Variants in PC observed in about 807,000 individuals in gnomAD.
PC encodes the protein pyruvate carboxylase, mitochondrial.
Under a neutral mutation model 107.8 loss-of-function variants are expected in PC, and 46 were observed. The observed-to-expected ratio is 0.43, with a 90% confidence interval of 0.34 to 0.55. PC has a LOEUF of 0.55. PC is among the 20% of genes least tolerant of loss of function. The pLI is 0.04. For synonymous variants in PC, 662 were observed against 684.7 expected (o/e 0.97, Z 0.52); for missense variants, 1,241 against 1,643.1 (o/e 0.76, Z 4.23).
intron 2 of PC, among the ~76,000 whole-genome samples, chr11:66,952,994 GAAT>G (rs1219493287): frequency 2.0e-5 from 3 of 152,164 alleles, no homozygotes; most frequent in Non-Finnish European, 4.4e-5. Context: ...TGTAAAATGG[GAAT>G]AATAACAATG....
Position 66,849,876 on chromosome 11 carries a change from A to G in PC, c.2899-17T>C, listed in dbSNP as rs780368371. 6 of 1,613,670 alleles carry G rather than the reference A, an allele frequency of 3.7e-6. No homozygotes were observed. In the Admixed American group the frequency reaches 1.0e-4, roughly 27 times the overall value. Reference sequence around the variant, plus strand: ...CTTCAGTACCTGGGGAGCAAAGCAGAGGATCAGTCCCAAGTCCTGCATCCA... The same window carrying G: ...CTTCAGTACCTGGGGAGCAAAGCAGGGGATCAGTCCCAAGTCCTGCATCCA... On this transcript the variant is annotated splice_polypyrimidine_tract_variant and intron_variant, in intron 20 of 22. Coordinates refer to ENST00000393960, the MANE Select transcript of PC (RefSeq NM_001040716.2).
rs968762469 is a variant in PC at position 66,857,706 on chromosome 11, T to C, written c.1369-4323A>G. 1.3e-6 allele frequency: 2 copies of C among 1,557,632 alleles called. No homozygotes were observed. Among genetic ancestry groups the C allele is most frequent in the Non-Finnish European group, 1.7e-6 (2 of 1,156,860 alleles). ...AGTGGGCACCTGCGCCAGCCCCACCTGTGCCTGGGCTGTGGCCCCTTCCTA... is the reference window on the plus strand; with the variant it reads ...AGTGGGCACCTGCGCCAGCCCCACCCGTGCCTGGGCTGTGGCCCCTTCCTA... On this transcript the variant is annotated intron_variant, in intron 12 of 22. Coordinates refer to ENST00000393960, the MANE Select transcript of PC (RefSeq NM_001040716.2). The surrounding 1 kb of genome is among the most constrained non-coding windows in gnomAD (Gnocchi z 7.1).
Position 66,849,114 on chromosome 11 carries a change from C to T in PC, c.3322G>A (p.Val1108Met), listed in dbSNP as rs1280365622. The T allele has an allele frequency of 4.3e-6, 7 of 1,614,108 alleles. No homozygotes were observed. The highest frequency in any genetic ancestry group is 2.2e-5 in the East Asian group (1 of 44,880). Residue 1108 changes from valine (V) to methionine (M), a missense_variant, in exon 23 of 23, where the codon GTG becomes ATG. By Grantham distance (21) the Val-to-Met change is conservative. Around this residue, in one of 2 missense-constraint regions of PC, gnomAD observed 1,143 missense variants for 1,551.9 expected, o/e 0.74. Transcript: ENST00000393960. ...ATGGGCGCCCCGATCTGGCCCTTCA[C>T]GTCCTTTAGGGCCTTGGGGTGGAAG... ...MHFHPKALKD[V>M]KGQIGAPMPG... is the part of the protein sequence containing the mutation.
intron 3 of PC, among the ~76,000 whole-genome samples, chr11:66,917,036 C>T (rs1948478591): frequency 6.6e-6 from 1 of 152,026 alleles, no homozygotes; most frequent in Admixed American, 6.6e-5. Flanking sequence ...AGCAAATCAT[C>T]TACAAACCAA....
chr11:66,903,792 ACACACACC>A (rs1396162319), intron 3 of PC, among the ~76,000 whole-genome samples: 8 of 139,810 alleles, frequency 5.7e-5, no homozygotes, highest in East Asian at 2.0e-4. Flanking sequence ...ATATATATAT[ACACACACC>A]CACACACACC....
intron 3 of PC, among the ~76,000 whole-genome samples, chr11:66,872,474 G>A (rs1381165106): frequency 6.6e-6 from 1 of 151,964 alleles, no homozygotes; most frequent in African/African-American, 2.4e-5. Flanking sequence ...CTACAGGTGT[G>A]AGCTGCCGTA....
rs760998247 is a variant in PC at position 66,858,461 on chromosome 11, C to T, written c.1369-5078G>A. Reference sequence around the variant, plus strand: ...TTAGCGGGAACCCCCTGCACTGCAACTGTGAGCTGCTGTGGCTGCGGCGGC... The same window carrying T: ...TTAGCGGGAACCCCCTGCACTGCAATTGTGAGCTGCTGTGGCTGCGGCGGC... On this transcript the variant is annotated intron_variant, in intron 12 of 22. Coordinates refer to ENST00000393960, the MANE Select transcript of PC (RefSeq NM_001040716.2). This position sits in a 1 kb window ranked among gnomAD's most constrained non-coding sequence, Gnocchi z 5.9. 78 of 1,548,934 alleles carry T rather than the reference C, an allele frequency of 5.0e-5. No individual in the cohort carries two copies. The highest frequency in any genetic ancestry group is 3.3e-4 in the Middle Eastern group (2 of 6,020).
chr11:66,861,203 C>G (rs1009109218), intron 12 of PC, among the ~76,000 whole-genome samples: 8 of 152,188 alleles, frequency 5.3e-5, no homozygotes, highest in African/African-American at 1.9e-4. Context: ...GACCCCTGGC[C>G]AGGCCCGGGC....
intron 3 of PC, among the ~76,000 whole-genome samples, chr11:66,895,349 G>A (rs2136024789): frequency 6.6e-6 from 1 of 152,274 alleles, no homozygotes; most frequent in East Asian, 1.9e-4. Context: ...CCAGCTCCCA[G>A]GCAGCATTTT....
At chr11:66,890,626 G>A (rs568037904) in intron 3 of PC, among the ~76,000 whole-genome samples, 11 of 150,028 alleles carry the variant, frequency 7.3e-5, no homozygotes, top group East Asian at 2.0e-4. Flanking sequence ...TCAGCCTCCC[G>A]AGTAGCTGGG....
At chr11:66,907,670 T>C (rs1948207748) in intron 3 of PC, among the ~76,000 whole-genome samples, 1 of 152,206 alleles carries the variant, frequency 6.6e-6, no homozygotes, top group South Asian at 2.1e-4. Context: ...ATTCCTGTTC[T>C]CTAAGGACTG....
At chr11:66,877,154 G>A (rs1328606713) in intron 3 of PC, among the ~76,000 whole-genome samples, 2 of 152,224 alleles carry the variant, frequency 1.3e-5, no homozygotes, top group African/African-American at 4.8e-5. Flanking sequence ...GGGACGCTGA[G>A]ACAGGCGGAT....
chr11:66,870,797 C>T lies in PC; in HGVS notation c.729G>A (p.Arg243=). The T allele has an allele frequency of 6.2e-7, 1 of 1,613,256 alleles. No individual in the cohort carries two copies. Among genetic ancestry groups the T allele is most frequent in the Non-Finnish European group, 8.5e-7 (1 of 1,179,980 alleles). ...LFVEKFIEKP[R]HIEVQILGDQ... Reference sequence around the variant, plus strand: ...CACCCAAGATCTGCACCTCGATGTGCCGTGGCTTCTCGATGAACTTCTCCA... The same window carrying T: ...CACCCAAGATCTGCACCTCGATGTGTCGTGGCTTCTCGATGAACTTCTCCA... Residue 243 remains arginine, a synonymous_variant, in exon 8 of 23, where the codon CGG becomes CGA. Coordinates refer to ENST00000393960, the MANE Select transcript of PC (RefSeq NM_001040716.2). This position sits in a 1 kb window ranked among gnomAD's most constrained non-coding sequence, Gnocchi z 6.1.
rs768181568 is a variant in PC at position 66,853,918 on chromosome 11, C to T, written c.1369-535G>A. On this transcript the variant is annotated intron_variant, in intron 12 of 22. Coordinates refer to ENST00000393960, the MANE Select transcript of PC (RefSeq NM_001040716.2). ...AGGAGGCCCCGTCCCGGGGCTGTGG[C>T]GCCAGTGACAGGCTCTGCCTCCAGG... 2.6e-5 allele frequency among the ~76,000 whole-genome samples: 4 copies of T among 152,362 alleles called. 1 individual carries two copies. The highest frequency in any genetic ancestry group is 4.1e-4 in the South Asian group (2 of 4,830).
chr11:66,953,121 C>T (rs960519262), intron 2 of PC, among the ~76,000 whole-genome samples: 5 of 152,210 alleles, frequency 3.3e-5, no homozygotes, highest in South Asian at 2.1e-4. Context: ...AGGTGGGAAG[C>T]GCTTAAGTAA....
intron 3 of PC, among the ~76,000 whole-genome samples, chr11:66,879,745 C>G (rs1239920629): frequency 1.3e-5 from 2 of 152,142 alleles, no homozygotes; most frequent in Non-Finnish European, 2.9e-5. Context: ...CCCTCGGCCC[C>G]CTAGGGACCT....
chr11:66,858,200 G>A lies in PC; in HGVS notation c.1369-4817C>T. On this transcript the variant is annotated intron_variant, in intron 12 of 22. Coordinates refer to ENST00000393960, the MANE Select transcript of PC (RefSeq NM_001040716.2). The surrounding 1 kb of genome is among the most constrained non-coding windows in gnomAD (Gnocchi z 5.9). The stretch of plus-strand genomic sequence containing the variant: ...TAGAGAGCCTGGAGGACCTGGACCT[G>A]TCCTACAACAACCTCCGGCAGGTGC... 1.9e-6 allele frequency: 3 copies of A among 1,612,434 alleles called. No individual in the cohort carries two copies. Among genetic ancestry groups the A allele is most frequent in the Non-Finnish European group, 2.5e-6 (3 of 1,179,854 alleles).
At chr11:66,925,446 T>G (rs952552355) in intron 3 of PC, among the ~76,000 whole-genome samples, 6 of 152,172 alleles carry the variant, frequency 3.9e-5, no homozygotes, top group Admixed American at 3.9e-4. Flanking sequence ...ATTTCTCCCA[T>G]TTGCTTTTGA....
chr11:66,861,871 GAA>G (rs1946277073), intron 12 of PC, among the ~76,000 whole-genome samples: 1 of 152,166 alleles, frequency 6.6e-6, no homozygotes, highest in Admixed American at 6.5e-5. Context: ...GTCTAAAGAG[GAA>G]GATCTTTCCG....
Sources: gnomAD v4.1 joint callset for allele counts (sites outside exome capture counted in the v4.1 genomes callset) on GRCh38, gnomAD v4.1.1 for gene constraint, gnomAD v4.1.1 regional missense constraint, Gnocchi (gnomAD v3.1) non-coding constraint, MANE v1.5 for transcripts, NCBI Gene and HGNC (gene_info 2026-07-23, HGNC 2026-07-21) for gene names.